Variants in ELF2 observed in about 807,000 individuals in gnomAD.
ELF2 encodes ETS-related transcription factor Elf-2.
Under a neutral mutation model 54.8 loss-of-function variants are expected in ELF2, and 11 were observed. The ratio of observed to expected loss-of-function variants is 0.20; its 90% confidence interval spans 0.13 to 0.33. The LOEUF (loss-of-function observed/expected upper bound fraction) is 0.33. Ranked by LOEUF, ELF2 falls within the 10% of genes least tolerant of loss-of-function variation. The pLI is 1.00. For synonymous variants in ELF2, 203 were observed against 245.1 expected (o/e 0.83, Z 1.61); for missense variants, 513 against 703.0 (o/e 0.73, Z 3.06).
chr4:139,069,742 A>T lies in ELF2; in HGVS notation c.527-1972T>A, dbSNP rs184261497. Among the ~76,000 whole-genome samples, 8 of 152,320 alleles carry T rather than the reference A, an allele frequency of 5.3e-5. No individual in the cohort carries two copies. In the East Asian group the frequency reaches 1.5e-3, roughly 29 times the overall value. Reference sequence around the variant, plus strand: ...CTGCTATTAAAAAAGAACCTATCTAAGTTTGTATATCCCAAATGTACTTAA... The same window carrying T: ...CTGCTATTAAAAAAGAACCTATCTATGTTTGTATATCCCAAATGTACTTAA... On this transcript the variant is annotated intron_variant, in intron 6 of 9. Coordinates refer to ENST00000686138, the MANE Select transcript of ELF2 (RefSeq NM_001331036.3).
At chr4:139,099,637 C>T (rs1733664780) in intron 4 of ELF2, among the ~76,000 whole-genome samples, 1 of 152,126 alleles carries the variant, frequency 6.6e-6, no homozygotes, top group Non-Finnish European at 1.5e-5. Context: ...ATTCTGGAAC[C>T]CATTTCATAC....
chr4:139,150,898 G>A (rs571337011), intron 1 of ELF2, among the ~76,000 whole-genome samples: 13 of 151,654 alleles, frequency 8.6e-5, no homozygotes, highest in South Asian at 2.1e-4. Context: ...GGTGGCGGGC[G>A]CCTGTAGTCC....
At chr4:139,132,692 G>A (rs913117602) in intron 3 of ELF2, among the ~76,000 whole-genome samples, 12 of 151,590 alleles carry the variant, frequency 7.9e-5, no homozygotes, top group African/African-American at 2.9e-4. Flanking sequence ...TTCATATGGC[G>A]GTAATGCTCC....
intron 4 of ELF2, among the ~76,000 whole-genome samples, chr4:139,109,378 C>T (rs545032416): frequency 2.0e-5 from 3 of 152,234 alleles, no homozygotes; most frequent in African/African-American, 4.8e-5. Flanking sequence ...AGGTAAAAGG[C>T]TAAATATAAT....
chr4:139,080,255 AT>A (rs2148719933), intron 4 of ELF2, among the ~76,000 whole-genome samples: 1 of 152,328 alleles, frequency 6.6e-6, no homozygotes, highest in African/African-American at 2.4e-5. Flanking sequence ...GCTGCAATGA[AT>A]TGTGAAGGGT....
chr4:139,100,015 T>A (rs1704365728), intron 4 of ELF2, among the ~76,000 whole-genome samples: 1 of 152,144 alleles, frequency 6.6e-6, no homozygotes, highest in South Asian at 2.1e-4. Flanking sequence ...AGAGTTTGGA[T>A]TAATGGAAGG....
At chr4:139,115,478 G>T in intron 4 of ELF2, 2 of 846,696 alleles carry the variant, frequency 2.4e-6, no homozygotes, top group Non-Finnish European at 2.8e-6. Context: ...GAGGGCAGCG[G>T]CGGGGGTGCC....
intron 4 of ELF2, among the ~76,000 whole-genome samples, chr4:139,102,914 G>T (rs1019072153): frequency 6.6e-6 from 1 of 151,934 alleles, no homozygotes; most frequent in African/African-American, 2.4e-5. Context: ...CTGAGACAGG[G>T]TCTCGCTCTG....
chr4:139,090,926 T>C (rs1407009744), intron 4 of ELF2, among the ~76,000 whole-genome samples: 1 of 151,818 alleles, frequency 6.6e-6, no homozygotes, highest in Admixed American at 6.6e-5. Flanking sequence ...TGTTTTGTTT[T>C]GTTTTGTTTT....
In ELF2 at chr4:139,151,096, A is replaced by AGAGAAAGAAAGAAAG. The variant is rs1560871870; in HGVS notation, c.-251-11600_-251-11599insCTTTCTTTCTTTCTC. Among the ~76,000 whole-genome samples the AGAGAAAGAAAGAAAG allele has an allele frequency of 3.6e-4, 46 of 128,270 alleles. 2 individuals are homozygous for AGAGAAAGAAAGAAAG. The highest frequency in any genetic ancestry group is 1.3e-3 in the African/African-American group (41 of 31,378). The allele number at this position is 128,270 out of a possible 152,430, so 84.2% of individuals were successfully genotyped here. On this transcript the variant is annotated intron_variant, in intron 1 of 9. Coordinates refer to ENST00000686138, the MANE Select transcript of ELF2 (RefSeq NM_001331036.3). ...AGAAAGAAAGAAAGAAAGAAAGAAA[A>AGAGAAAGAAAGAAAG]AGAGAGCTATTTAATAAATTGTGCT...
At chr4:139,063,662 C>A (rs1217362106) in intron 7 of ELF2, among the ~76,000 whole-genome samples, 1 of 152,046 alleles carries the variant, frequency 6.6e-6, no homozygotes, top group Admixed American at 6.5e-5. Context: ...AACAACAATG[C>A]AAGAAATAAA....
At chr4:139,084,071 C>T in intron 4 of ELF2, 2 of 1,610,252 alleles carry the variant, frequency 1.2e-6, no homozygotes, top group South Asian at 1.1e-5. Flanking sequence ...AGTCACCCCG[C>T]CTTCTGTGCA....
intron 3 of ELF2, among the ~76,000 whole-genome samples, chr4:139,129,194 T>C (rs569708008): frequency 6.6e-6 from 1 of 152,252 alleles, no homozygotes; most frequent in African/African-American, 2.4e-5. Context: ...CGCCTCAGCC[T>C]CCCAAAGTGC....
intron 3 of ELF2, among the ~76,000 whole-genome samples, chr4:139,134,566 T>C (rs1262617060): frequency 6.8e-6 from 1 of 147,946 alleles, no homozygotes; most frequent in Non-Finnish European, 1.5e-5. Flanking sequence ...TATTTTATGT[T>C]ATTTTATTTT....
intron 1 of ELF2, among the ~76,000 whole-genome samples, chr4:139,172,882 C>CGGGG (rs59019279): frequency 2.0e-5 from 1 of 51,162 alleles, no homozygotes; most frequent in Non-Finnish European, 4.1e-5. Context: ...ACACAGATAA[C>CGGGG]GGGGGGGGGG....
intron 4 of ELF2, among the ~76,000 whole-genome samples, chr4:139,121,147 C>G (rs182973594): frequency 1.8e-5 from 2 of 113,416 alleles, no homozygotes; most frequent in Admixed American, 1.3e-4. Flanking sequence ...CTTGCTCTGT[C>G]GCCCAGGCTG....
At chr4:139,068,003 T>C (rs918932082) in intron 6 of ELF2, among the ~76,000 whole-genome samples, 3 of 152,244 alleles carry the variant, frequency 2.0e-5, no homozygotes, top group African/African-American at 7.2e-5. Context: ...GATTGCCATA[T>C]ACATTGGTCA....
intron 4 of ELF2, chr4:139,115,136 T>C: frequency 6.2e-7 from 1 of 1,613,520 alleles, no homozygotes; most frequent in Non-Finnish European, 8.5e-7. Context: ...TAGAGGCGCG[T>C]GAGCTGCTCC....
chr4:139,172,445 C>T (rs766375167), intron 1 of ELF2, among the ~76,000 whole-genome samples: 8 of 152,168 alleles, frequency 5.3e-5, no homozygotes, highest in South Asian at 2.1e-4. Flanking sequence ...ACCATATTCA[C>T]GCTGTCTACA....
Sources: allele counts gnomAD v4.1 joint callset (sites outside exome capture counted in the v4.1 genomes callset), GRCh38; gene constraint gnomAD v4.1.1; transcripts MANE v1.5; gene names NCBI Gene and HGNC (gene_info 2026-07-23, HGNC 2026-07-21).